Variants in GCC2 observed in about 807,000 individuals in gnomAD.
GCC2 encodes GRIP and coiled-coil domain-containing protein 2.
GCC2 carries 120 observed loss-of-function variants against 210.6 expected under a neutral mutation model. The ratio of observed to expected loss-of-function variants is 0.57; its 90% CI spans 0.49 to 0.66. The LOEUF is 0.66. GCC2 is among the 30% of genes least tolerant of loss of function. The pLI, the probability that GCC2 is intolerant of heterozygous loss-of-function variation, is 0.00. For synonymous variants in GCC2, 703 were observed against 652.7 expected (o/e 1.08, Z -1.17); for missense variants, 1,868 against 1,871.9 (o/e 1.00, Z 0.04).
chr2:108,492,788 GAAGT>G lies in GCC2; in HGVS notation c.4447_4447+3del, dbSNP rs777094155. ...CAGCTTAAGAATGAACCGACCACAA[GAAGT>G]ATGTATGTACACATGGAAATATTAG... On this transcript the variant is annotated splice_donor_variant and coding_sequence_variant, in exon 19 of 23. Transcript: ENST00000309863. LOFTEE classifies it high-confidence loss of function. The G allele has an allele frequency of 4.4e-6, 7 of 1,598,726 alleles. No individual in the cohort carries two copies. In the East Asian group the frequency reaches 1.3e-4, roughly 31 times the overall value.
At position 108,490,017 on chromosome 2, in the gene GCC2, A is replaced by G. The variant is rs1682335842; in HGVS notation, c.4229+3A>G. 6.3e-7 allele frequency: 1 copy of G among 1,599,728 alleles called. No homozygotes were observed. The highest frequency in any genetic ancestry group is 8.5e-7 in the Non-Finnish European group (1 of 1,174,396). On this transcript the variant is annotated splice_donor_region_variant and intron_variant, in intron 18 of 22. Coordinates refer to ENST00000309863, the MANE Select transcript of GCC2 (RefSeq NM_181453.4). ...AAAGAGGCGGAACTCCGGGAAAAGT[A>G]AGACTGTTAGCAGCACTAACGCTGT...
In GCC2 at chr2:108,481,817, G is replaced by T. The variant is rs1681867483; in HGVS notation, c.3180+1G>T. 1.3e-6 allele frequency: 2 copies of T among 1,548,252 alleles called. No homozygotes were observed. Among genetic ancestry groups the T allele is most frequent in the Admixed American group, 2.2e-5 (1 of 45,626 alleles). On this transcript the variant is annotated splice_donor_variant, in intron 10 of 22. Coordinates refer to ENST00000309863, the MANE Select transcript of GCC2 (RefSeq NM_181453.4). LOFTEE classifies it high-confidence loss of function. ...ACAATTAAGAAATTCGACTTTGCAG[G>T]TAATTTTTTAATAAATCCAAAAATG...
chr2:108,460,249 T>C (rs1044589157), intron 4 of GCC2, among the ~76,000 whole-genome samples: 3 of 152,226 alleles, frequency 2.0e-5, no homozygotes, highest in African/African-American at 7.2e-5. Context: ...TCTGTATGTC[T>C]CTTTACAGGG....
intron 3 of GCC2, 120 bp from the exon 4 acceptor site, chr2:108,452,279 T>A: frequency 2.9e-6 from 2 of 696,214 alleles, no homozygotes; most frequent in South Asian, 3.1e-5. Context: ...CATACTATTC[T>A]GCTTAAATAT....
At chr2:108,457,210 T>TA (rs1680321003) in intron 4 of GCC2, among the ~76,000 whole-genome samples, 1 of 152,196 alleles carries the variant, frequency 6.6e-6, no homozygotes, top group African/African-American at 2.4e-5. Flanking sequence ...TGCATATAGT[T>TA]ACCTGGATTT....
intron 17 of GCC2, among the ~76,000 whole-genome samples, chr2:108,489,538 T>C (rs1268405397): frequency 1.3e-5 from 2 of 151,798 alleles, no homozygotes; most frequent in East Asian, 3.9e-4. Context: ...TAGTGTGAGG[T>C]TTTTTTCTTT....
chr2:108,476,054 C>CTTTTTTTTTTTTTTT (rs56236751), intron 9 of GCC2, among the ~76,000 whole-genome samples: 3 of 96,318 alleles, frequency 3.1e-5, no homozygotes, highest in Non-Finnish European at 6.4e-5. Context: ...TAGTGGCTTG[C>CTTTTTTTTTTTTTTT]TTTTTTTTTT....
At chr2:108,476,054 CTTTT>C (rs56236751) in intron 9 of GCC2, among the ~76,000 whole-genome samples, 84 of 96,294 alleles carry the variant, frequency 8.7e-4, no homozygotes, top group African/African-American at 3.0e-3. Flanking sequence ...TAGTGGCTTG[CTTTT>C]TTTTTTTTTT....
chr2:108,499,937 C>A (rs1020011152), intron 22 of GCC2, among the ~76,000 whole-genome samples, 183 bp downstream of exon 22: 24 of 152,282 alleles, frequency 1.6e-4, no homozygotes, highest in Admixed American at 1.2e-3. Flanking sequence ...AACTGTAGTA[C>A]ATTTATATAA....
chr2:108,507,516 TTTTTC>T (rs1683256712), intron 22 of GCC2, 39 bp from the exon 23 acceptor site: 3 of 1,421,824 alleles, frequency 2.1e-6, no homozygotes, highest in African/African-American at 1.4e-5. Flanking sequence ...AATACTCTCT[TTTTTC>T]TTTTATTTTT....
In GCC2 at chr2:108,471,176, A is replaced by C; in HGVS notation, c.1847A>C (p.Lys616Thr). ...GAAGAAATGGATAATTTCCATAAGAAATGTGAAAGGGAAGAAAGATTGATT... is the reference window on the plus strand; with the variant it reads ...GAAGAAATGGATAATTTCCATAAGACATGTGAAAGGGAAGAAAGATTGATT... ...SHEEMDNFHK[K>T]CEREERLILE... Residue 616 changes from lysine to threonine, a missense_variant, in exon 6 of 23, where the codon AAA becomes ACA. Lys to Thr is a moderately conservative substitution (Grantham distance 78). Transcript: ENST00000309863. 3.7e-6 allele frequency: 6 copies of C among 1,601,824 alleles called. No homozygotes were observed. Among genetic ancestry groups the C allele is most frequent in the Non-Finnish European group, 5.1e-6 (6 of 1,173,090 alleles).
In GCC2 at chr2:108,470,779, C is replaced by T. The variant is rs1419608695; in HGVS notation, c.1450C>T (p.Arg484Ter). 9 of 1,613,500 alleles carry T rather than the reference C, an allele frequency of 5.6e-6. No homozygotes were observed. In the African/African-American group the frequency reaches 6.7e-5, roughly 12 times the overall value. The change falls in exon 6 of 23, where the codon CGA becomes TGA. Residue 484 changes from arginine to a stop codon, truncating the protein, a stop_gained. Transcript: ENST00000309863. LOFTEE classifies it high-confidence loss of function. ...AGCAATTTTAAATTATGAGAGTTTACGAGAGATTATGGAAATTTTACAAAC... is the reference window on the plus strand; with the variant it reads ...AGCAATTTTAAATTATGAGAGTTTATGAGAGATTATGGAAATTTTACAAAC... ...QEAILNYESL[R>*]EIMEILQTEL...
intron 17 of GCC2, among the ~76,000 whole-genome samples, chr2:108,488,109 G>T (rs1299160485): frequency 2.6e-5 from 4 of 151,962 alleles, no homozygotes; most frequent in African/African-American, 9.7e-5. Context: ...GTTTCACCAT[G>T]TTGGCCAGGC....
Position 108,493,730 on chromosome 2 carries a change from G to A in GCC2, c.4447+940G>A, listed in dbSNP as rs543575881. The A allele has an allele frequency of 8.6e-5, 85 of 985,380 alleles. No homozygotes were observed. The Admixed American group carries it at 1.6e-3, about 19-fold the overall frequency. 61.0% of individuals were successfully genotyped at this position (985,380 alleles called of 1,614,324 possible). ...GTCACTGGAGCATTAGCCGCTATCG[G>A]TCACTTATTAGGGTAAAAAAGCAAC... is the stretch of plus-strand genomic sequence containing the variant. On this transcript the variant is annotated intron_variant, in intron 19 of 22. Transcript: ENST00000309863.
At chr2:108,491,335 A>G (rs1036480880) in intron 18 of GCC2, among the ~76,000 whole-genome samples, 2 of 152,186 alleles carry the variant, frequency 1.3e-5, no homozygotes, top group Admixed American at 6.5e-5. Flanking sequence ...ACCCACCTCT[A>G]ATTTTTATCC....
chr2:108,502,951 A>G lies in GCC2; in HGVS notation c.4984+3197A>G, dbSNP rs544895630. ...AAAAAAAAAAAAAAGAATGTAAACT[A>G]CAAGATAGTTCAAAAGAAATTACAC... On this transcript the variant is annotated intron_variant, in intron 22 of 22. Coordinates refer to ENST00000309863, the MANE Select transcript of GCC2 (RefSeq NM_181453.4). Among the ~76,000 whole-genome samples the G allele has an allele frequency of 6.6e-5, 10 of 151,944 alleles. No individual in the cohort carries two copies. In the South Asian group the frequency reaches 1.9e-3, roughly 28 times the overall value.
chr2:108,451,859 T>TTC (rs1250070465), intron 3 of GCC2, among the ~76,000 whole-genome samples: 3 of 135,308 alleles, frequency 2.2e-5, no homozygotes, highest in South Asian at 4.7e-4. Context: ...TTTTTTTTTT[T>TTC]CAAGACGGAG....
At chr2:108,497,839 T>C (rs1239370854) in intron 21 of GCC2, among the ~76,000 whole-genome samples, 2 of 152,196 alleles carry the variant, frequency 1.3e-5, no homozygotes, top group Non-Finnish European at 2.9e-5. Flanking sequence ...ACATACGTTA[T>C]TTAATCTCAT....
rs1462110004 is a variant in GCC2, at chr2:108,494,534, G to A, written c.4448-757G>A. 3 of 152,210 alleles carry A rather than the reference G, an allele frequency of 2.0e-5. No individual in the cohort carries two copies. The East Asian group carries it at 5.8e-4, about 29-fold the overall frequency. 9.4% of individuals were successfully genotyped at this position (152,210 alleles called of 1,614,324 possible). ...AAGCTGCAGAGGTAAAGGTATAAGG[G>A]CAGTGATTGAGGATGTCTGCCAAGC... On this transcript the variant is annotated intron_variant, in intron 19 of 22. Transcript: ENST00000309863.
Sources: allele counts gnomAD v4.1 joint callset (sites outside exome capture counted in the v4.1 genomes callset), GRCh38; gene constraint gnomAD v4.1.1; transcripts MANE v1.5; gene names NCBI Gene and HGNC (gene_info 2026-07-23, HGNC 2026-07-21).